ZZEF1: variants seen among roughly 807,000 people sequenced by gnomAD.
ZZEF1 encodes zinc finger ZZ-type and EF-hand domain-containing protein 1.
Under a neutral mutation model 342.8 loss-of-function variants are expected in ZZEF1, and 157 were observed. The observed-to-expected ratio is 0.46, with a 90% CI of 0.40 to 0.52. The LOEUF (loss-of-function observed/expected upper bound fraction) is 0.52, where lower values mean the gene tolerates loss of function less well. Ranked by LOEUF, ZZEF1 falls within the 20% of genes least tolerant of loss-of-function variation. The pLI is 0.00. For missense variants in ZZEF1, 3,480 were observed against 3,725.6 expected (o/e 0.93, Z 1.72); for synonymous variants, 1,505 against 1,429.1 (o/e 1.05, Z -1.20).
intron 2 of ZZEF1, 27 bp from the exon 3 acceptor site, chr17:4,117,193 G>T (rs746568712): frequency 6.3e-7 from 1 of 1,583,762 alleles, no homozygotes. Context: ...CATTTTTGGT[G>T]TTTTGGGGAA....
At chr17:4,033,940 G>A in intron 40 of ZZEF1, 75 bp downstream of exon 40, 5 of 1,561,868 alleles carry the variant, frequency 3.2e-6, no homozygotes, top group Non-Finnish European at 4.4e-6. Flanking sequence ...TCAACAGCCA[G>A]ACCTTCAACT....
intron 40 of ZZEF1, 185 bp from the exon 41 acceptor site, chr17:4,033,187 T>G: frequency 1.8e-6 from 1 of 568,950 alleles, no homozygotes; most frequent in East Asian, 2.8e-5. Context: ...CAAGACTTGT[T>G]ACTTACATAC....
In ZZEF1 at chr17:4,051,905, A is replaced by C. The variant is rs927568658; in HGVS notation, c.5600+66T>G. 13 of 1,510,908 alleles carry C rather than the reference A, an allele frequency of 8.6e-6. No homozygotes were observed. In the African/African-American group the frequency reaches 1.8e-4, roughly 21 times the overall value. 93.6% of individuals were successfully genotyped at this position (1,510,908 alleles called of 1,614,324 possible). ...AAAAACTTTTTTAAAAAAAGAAAGAAGTCCCTTTTCAAGTGAAGGAACGTG... is the reference window on the plus strand; with the variant it reads ...AAAAACTTTTTTAAAAAAAGAAAGACGTCCCTTTTCAAGTGAAGGAACGTG... On this transcript the variant is annotated intron_variant, in intron 35 of 54. Coordinates refer to ENST00000381638, the MANE Select transcript of ZZEF1 (RefSeq NM_015113.4).
In ZZEF1 at chr17:4,020,017, T is replaced by C. The variant is rs984327179; in HGVS notation, c.7405-248A>G. 16 of 400,298 alleles carry C rather than the reference T, an allele frequency of 4.0e-5. No individual in the cohort carries two copies. The Middle Eastern group carries it at 1.9e-3, about 47-fold the overall frequency. The allele number at this position is 400,298 out of a possible 1,614,324, so 24.8% of individuals were successfully genotyped here. On this transcript the variant is annotated intron_variant, in intron 45 of 54. Coordinates refer to ENST00000381638, the MANE Select transcript of ZZEF1 (RefSeq NM_015113.4). The stretch of plus-strand genomic sequence containing the variant: ...ACTAAAACCCCAAAGAAATATCCTG[T>C]CAACAAAATACAATGCTGACAGTAG...
chr17:4,064,967 T>C (rs1391265804), intron 28 of ZZEF1, 138 bp from the exon 29 acceptor site: 2 of 614,918 alleles, frequency 3.3e-6, no homozygotes, highest in African/African-American at 1.8e-5. Context: ...ACATGGCACA[T>C]GTATACATAT....
intron 2 of ZZEF1, among the ~76,000 whole-genome samples, chr17:4,119,441 T>C (rs2058448828): frequency 6.6e-6 from 1 of 152,228 alleles, no homozygotes; most frequent in South Asian, 2.1e-4. Flanking sequence ...CATTTGGCCT[T>C]TCCCACCGGA....
In ZZEF1 at chr17:4,014,328, C is replaced by T. The variant is rs553629234; in HGVS notation, c.8314+19G>A. 4 of 1,613,956 alleles carry T rather than the reference C, an allele frequency of 2.5e-6. No homozygotes were observed. Among genetic ancestry groups the T allele is most frequent in the African/African-American group, 2.7e-5 (2 of 75,040 alleles). On this transcript the variant is annotated intron_variant, in intron 50 of 54. Transcript: ENST00000381638. This position sits in a 1 kb window ranked among gnomAD's most constrained non-coding sequence, Gnocchi z 4.4. Reference sequence around the variant, plus strand: ...ACTGCCTGTGAAGAACCTATCTAATCGAGTATTTGTTTCACTACCTGGAAG... The same window carrying T: ...ACTGCCTGTGAAGAACCTATCTAATTGAGTATTTGTTTCACTACCTGGAAG...
intron 37 of ZZEF1, among the ~76,000 whole-genome samples, chr17:4,046,165 C>G (rs62072434): frequency 6.6e-6 from 1 of 152,088 alleles, no homozygotes; most frequent in Non-Finnish European, 1.5e-5. Flanking sequence ...ACCTTTGATG[C>G]CCTTTTGAGA....
intron 1 of ZZEF1, among the ~76,000 whole-genome samples, chr17:4,134,288 TAG>T (rs2145602357): frequency 6.6e-6 from 1 of 150,686 alleles, no homozygotes; most frequent in South Asian, 2.1e-4. Flanking sequence ...TACTGCACTC[TAG>T]CCTGGGTGGT....
rs939568872 is a variant in ZZEF1, at chr17:4,067,618, G to C, written c.4076-376C>G. ...TATATTAAGTAAAAAAGCAGGTTAT[G>C]AAACAGTATAAATAAAATGATCTTA... On this transcript the variant is annotated intron_variant, in intron 26 of 54. Transcript: ENST00000381638. Among the ~76,000 whole-genome samples the C allele has an allele frequency of 1.1e-4, 17 of 152,238 alleles. No individual in the cohort carries two copies. The South Asian group carries it at 2.9e-3, about 26-fold the overall frequency.
chr17:4,085,392 A>G (rs896478424), intron 16 of ZZEF1, among the ~76,000 whole-genome samples: 1 of 152,296 alleles, frequency 6.6e-6, no homozygotes, highest in African/African-American at 2.4e-5. Context: ...TAAAATGTGG[A>G]AAAGAAAGGA....
rs777351609 is a variant in ZZEF1 at position 4,082,426 on chromosome 17, G to A, written c.2714+11C>T. 1.1e-5 allele frequency: 17 copies of A among 1,613,498 alleles called. No individual in the cohort carries two copies. In the South Asian group the frequency reaches 1.3e-4, roughly 13 times the overall value. On this transcript the variant is annotated intron_variant, in intron 17 of 54. Coordinates refer to ENST00000381638, the MANE Select transcript of ZZEF1 (RefSeq NM_015113.4). Reference sequence around the variant, plus strand: ...GAGTTATCCGACAATTAAAAAGAACGATCAGCTTACCTAAAATACGTGCAC... The same window carrying A: ...GAGTTATCCGACAATTAAAAAGAACAATCAGCTTACCTAAAATACGTGCAC...
At chr17:4,089,191 C>T (rs2057897914) in intron 12 of ZZEF1, among the ~76,000 whole-genome samples, 1 of 152,172 alleles carries the variant, frequency 6.6e-6, no homozygotes, top group African/African-American at 2.4e-5. Flanking sequence ...TACATTTGCT[C>T]TGTGGCAGTC....
chr17:4,036,656 G>A (rs891764616), intron 39 of ZZEF1, among the ~76,000 whole-genome samples: 11 of 151,420 alleles, frequency 7.3e-5, no homozygotes, highest in Admixed American at 4.0e-4. Flanking sequence ...CACTTGAACC[G>A]GGAGGCGGAG....
Position 4,032,389 on chromosome 17 carries a change from A to T in ZZEF1, c.6760-131T>A, listed in dbSNP as rs1233400453. The T allele has an allele frequency of 4.0e-6, 4 of 1,002,454 alleles. No homozygotes were observed. The African/African-American group carries it at 4.9e-5, about 12-fold the overall frequency. The allele number at this position is 1,002,454 out of a possible 1,614,324, so 62.1% of individuals were successfully genotyped here. ...AGCACGCAAGGATAGGGATCTTCTC[A>T]TCTCTAAGTCCAAAGAGTCTGCCAC... On this transcript the variant is annotated intron_variant, in intron 41 of 54. Coordinates refer to ENST00000381638, the MANE Select transcript of ZZEF1 (RefSeq NM_015113.4).
In ZZEF1 at chr17:4,085,793, C is replaced by T. The variant is rs1436822961; in HGVS notation, c.2523G>A (p.Lys841=). ...LYTHLCDVVD[K]VDGDSVPMEI... Reference sequence around the variant, plus strand: ...CCATGGGCACAGAGTCTCCATCCACCTTGTCCACCACTGATAAAATGAACA... The same window carrying T: ...CCATGGGCACAGAGTCTCCATCCACTTTGTCCACCACTGATAAAATGAACA... The change falls in exon 16 of 55, where the codon AAG becomes AAA. Residue 841 remains lysine, a synonymous_variant. Transcript: ENST00000381638. 3.7e-6 allele frequency: 6 copies of T among 1,613,952 alleles called. No homozygotes were observed. The highest frequency in any genetic ancestry group is 1.3e-5 in the African/African-American group (1 of 74,928).
chr17:4,082,366 A>G (rs2057739993), intron 17 of ZZEF1, 71 bp downstream of exon 17: 8 of 1,492,264 alleles, frequency 5.4e-6, no homozygotes, highest in Non-Finnish European at 7.4e-6. Flanking sequence ...CATGAAAGGA[A>G]GGGCAAGCTC....
chr17:4,121,538 A>G (rs898477354), intron 2 of ZZEF1, among the ~76,000 whole-genome samples: 12 of 152,144 alleles, frequency 7.9e-5, no homozygotes, highest in Admixed American at 3.9e-4. Flanking sequence ...AGGCACAACA[A>G]TCACTTGAAC....
At chr17:4,018,680 C>T (rs1035610523) in intron 46 of ZZEF1, among the ~76,000 whole-genome samples, 1 of 152,222 alleles carries the variant, frequency 6.6e-6, no homozygotes, top group Non-Finnish European at 1.5e-5. Flanking sequence ...TGGCCCTTCT[C>T]TCTCTCTAAA....
Sources: allele counts gnomAD v4.1 joint callset (sites outside exome capture counted in the v4.1 genomes callset), GRCh38; gene constraint gnomAD v4.1.1; non-coding constraint Gnocchi (gnomAD v3.1); transcripts MANE v1.5; gene names NCBI Gene and HGNC (gene_info 2026-07-23, HGNC 2026-07-21).